The following CSMD1 variants were observed in gnomAD, a reference collection of about 807,000 sequenced individuals.
CSMD1 encodes the protein CUB and sushi domain-containing protein 1.
Under a neutral mutation model 417.5 loss-of-function variants are expected in CSMD1, and 213 were observed. That is an observed-to-expected ratio of 0.51 (90% CI 0.46 to 0.57). The LOEUF is 0.57. Among genes scored for constraint, CSMD1 ranks in the 20% least tolerant of loss-of-function variants. The pLI is 0.00. For missense variants in CSMD1, 6,923 were observed against 4,529.7 expected (o/e 1.53, Z -15.17); for synonymous variants, 2,862 against 1,736.8 (o/e 1.65, Z -16.11).
intron 1 of CSMD1, among the ~76,000 whole-genome samples, chr8:4,685,631 C>G (rs1318561554): frequency 6.6e-6 from 1 of 152,112 alleles, no homozygotes; most frequent in East Asian, 1.9e-4. Flanking sequence ...CACACCATCA[C>G]ACCATGTACT....
chr8:4,186,585 G>A (rs562976743), intron 3 of CSMD1, among the ~76,000 whole-genome samples: 9 of 152,270 alleles, frequency 5.9e-5, no homozygotes, highest in Non-Finnish European at 1.2e-4. Flanking sequence ...TCTCAGCATT[G>A]CTAATGTCAA....
chr8:4,550,890 C>A (rs1162761018), intron 2 of CSMD1, among the ~76,000 whole-genome samples: 1 of 152,160 alleles, frequency 6.6e-6, no homozygotes, highest in Admixed American at 6.5e-5. Flanking sequence ...ATTTTACATA[C>A]TAGAAAACGG....
At chr8:3,469,652 C>A (rs1237528296) in intron 11 of CSMD1, among the ~76,000 whole-genome samples, 2 of 152,174 alleles carry the variant, frequency 1.3e-5, no homozygotes, top group African/African-American at 4.8e-5. Context: ...AAATAGGAAG[C>A]TTGACTTTCA....
At chr8:4,078,650 A>C (rs111566134) in intron 3 of CSMD1, among the ~76,000 whole-genome samples, 2,681 of 150,824 alleles carry the variant, frequency 0.018, 87 homozygotes, top group African/African-American at 0.063. Context: ...ATGTATTTCT[A>C]ACTATCCTTT....
rs79788999 is a variant in CSMD1, at chr8:4,833,789, A to T, written c.85+160543T>A. ...GTTATCTTAGGATATGATCCCATGG[A>T]AGGATAGATCAGCTGACTAAAAGGG... is the stretch of plus-strand genomic sequence containing the variant. On this transcript the variant is annotated intron_variant, in intron 1 of 69. Transcript: ENST00000635120. Among the ~76,000 whole-genome samples, 418 of 152,320 alleles carry T rather than the reference A, an allele frequency of 2.7e-3. 1 individual carries two copies. The highest frequency in any genetic ancestry group is 9.7e-3 in the African/African-American group (403 of 41,558).
chr8:3,633,096 C>G, intron 7 of CSMD1, among the ~76,000 whole-genome samples: 1 of 152,250 alleles, frequency 6.6e-6, no homozygotes, highest in East Asian at 1.9e-4. Flanking sequence ...TAGTTGCTGA[C>G]GTCATTGTTT....
At chr8:3,866,860 G>T (rs1001054187) in intron 5 of CSMD1, among the ~76,000 whole-genome samples, 5 of 152,068 alleles carry the variant, frequency 3.3e-5, no homozygotes, top group South Asian at 2.1e-4. Flanking sequence ...ATGTTACTAG[G>T]ACTCCAGTTC....
chr8:4,713,166 G>A (rs1185558641), intron 1 of CSMD1, among the ~76,000 whole-genome samples: 1 of 152,166 alleles, frequency 6.6e-6, no homozygotes, highest in Non-Finnish European at 1.5e-5. Flanking sequence ...TGTTCCCCGG[G>A]TGGGGAAACA....
At chr8:3,584,369 C>T (rs531516890) in intron 9 of CSMD1, among the ~76,000 whole-genome samples, 47 of 152,198 alleles carry the variant, frequency 3.1e-4, no homozygotes, top group African/African-American at 1.1e-3. Flanking sequence ...TGTTCTCTTC[C>T]AAAATATGAT....
chr8:2,969,276 G>C (rs1400816956), intron 57 of CSMD1, among the ~76,000 whole-genome samples: 2 of 152,048 alleles, frequency 1.3e-5, no homozygotes, highest in East Asian at 1.9e-4. Flanking sequence ...CTTACTTATT[G>C]AGTAAAGTGT....
intron 1 of CSMD1, among the ~76,000 whole-genome samples, chr8:4,716,415 T>G (rs1014452080): frequency 2.6e-5 from 4 of 152,190 alleles, no homozygotes; most frequent in African/African-American, 7.2e-5. Context: ...TTTTCATAAA[T>G]GTATACAAGG....
chr8:4,057,143 G>C (rs1420730654), intron 3 of CSMD1, among the ~76,000 whole-genome samples: 1 of 152,200 alleles, frequency 6.6e-6, no homozygotes, highest in African/African-American at 2.4e-5. Flanking sequence ...CTAGTTTACA[G>C]TCCCACCAAC....
chr8:4,859,801 C>A (rs1802017643), intron 1 of CSMD1, among the ~76,000 whole-genome samples: 1 of 152,062 alleles, frequency 6.6e-6, no homozygotes, highest in African/African-American at 2.4e-5. Context: ...AACACTTTGA[C>A]ACTGTTGGTG....
At chr8:3,624,493 A>G (rs990384244) in intron 7 of CSMD1, among the ~76,000 whole-genome samples, 32 of 152,182 alleles carry the variant, frequency 2.1e-4, no homozygotes, top group African/African-American at 7.5e-4. Context: ...ATTATTGTCT[A>G]TTTTCATTGT....
chr8:4,416,886 C>T (rs1209540055), intron 3 of CSMD1, among the ~76,000 whole-genome samples: 2 of 151,980 alleles, frequency 1.3e-5, no homozygotes, highest in Non-Finnish European at 2.9e-5. Context: ...AGACATAGTA[C>T]TTCAAAACTG....
At chr8:3,669,655 C>A (rs964467146) in intron 7 of CSMD1, among the ~76,000 whole-genome samples, 6 of 152,090 alleles carry the variant, frequency 3.9e-5, no homozygotes, top group Non-Finnish European at 5.9e-5. Flanking sequence ...TTTATTAACT[C>A]AACAGATGTT....
rs532711269 is a variant in CSMD1, at chr8:3,745,517, C to G, written c.931+8413G>C. Among the ~76,000 whole-genome samples, 516 of 152,330 alleles carry G rather than the reference C, an allele frequency of 3.4e-3. 3 individuals are homozygous for G. The highest frequency in any genetic ancestry group is 0.012 in the African/African-American group (506 of 41,574). On this transcript the variant is annotated intron_variant, in intron 6 of 69. Transcript: ENST00000635120. ...GCACGTGTACAACAGGAAACTCGCC[C>G]AGGATCTAATCATCACAATTTTCAG...
intron 5 of CSMD1, among the ~76,000 whole-genome samples, chr8:3,940,428 G>T (rs1207881776): frequency 6.6e-6 from 1 of 151,400 alleles, no homozygotes; most frequent in Non-Finnish European, 1.5e-5. Flanking sequence ...TATGTATGTT[G>T]TAAAGAAGTA....
intron 1 of CSMD1, among the ~76,000 whole-genome samples, chr8:4,910,716 G>T (rs767654893): frequency 1.1e-4 from 16 of 152,256 alleles, no homozygotes; most frequent in Middle Eastern, 3.4e-3. Flanking sequence ...GATATTCTTT[G>T]TAAGTGTTAA....
Sources: gnomAD v4.1 joint callset for allele counts (sites outside exome capture counted in the v4.1 genomes callset) on GRCh38, gnomAD v4.1.1 for gene constraint, MANE v1.5 for transcripts, NCBI Gene and HGNC (gene_info 2026-07-23, HGNC 2026-07-21) for gene names.